Variants in IQSEC1 observed in about 807,000 individuals in gnomAD.
IQSEC1 encodes the protein IQ motif and Sec7 domain ArfGEF 1, also known as IQ motif and SEC7 domain-containing protein 1.
Under a neutral mutation model 91.0 loss-of-function variants are expected in IQSEC1, and 31 were observed. The observed-to-expected ratio is 0.34, with a 90% CI of 0.26 to 0.46. The LOEUF is 0.46. IQSEC1 is among the 20% of genes least tolerant of loss of function. The pLI is 1.00. For synonymous variants in IQSEC1, 699 were observed against 662.6 expected (o/e 1.05, Z -0.84); for missense variants, 1,388 against 1,575.6 (o/e 0.88, Z 2.02).
rs147164036 is a variant in IQSEC1, at chr3:13,147,925, G to A, written c.302+16179C>T. Among the ~76,000 whole-genome samples, 1,462 of 152,314 alleles carry A rather than the reference G, an allele frequency of 9.6e-3. 23 individuals are homozygous for A. The highest frequency in any genetic ancestry group is 0.034 in the African/African-American group (1,403 of 41,576). ...TGGGATTACAGGCGTGAGCCACCACGCCCAGCCGACAGGTGTCTTTTTGAT... is the reference window on the plus strand; with the variant it reads ...TGGGATTACAGGCGTGAGCCACCACACCCAGCCGACAGGTGTCTTTTTGAT... On this transcript the variant is annotated intron_variant, in intron 2 of 15. Transcript: ENST00000648114.
intron 2 of IQSEC1, among the ~76,000 whole-genome samples, chr3:12,938,568 C>T (rs909525180): frequency 2.6e-5 from 4 of 152,332 alleles, no homozygotes; most frequent in Middle Eastern, 3.4e-3. Context: ...CAAGAAATGA[C>T]CTCACTTCCA....
Position 12,913,511 on chromosome 3 carries a change from G to A in IQSEC1, c.2233C>T (p.Leu745Phe). The A allele has an allele frequency of 6.2e-7, 1 of 1,608,166 alleles. No homozygotes were observed. Residue 745 changes from leucine to phenylalanine, a missense_variant, in exon 9 of 14, where the codon CTC becomes TTC. By Grantham distance (22) the Leu-to-Phe change is conservative. This residue lies in a region of IQSEC1 where 1,059 missense variants were observed against 1,317.8 expected (regional missense o/e 0.80). Transcript: ENST00000613206. ...TTGTTTGGGTCTGGAACCTCAAAGA[G>A]CCGGCAGTAGCAGACCAACCGACGG... Reference protein sequence around the residue: ...PHRRLVCYCRLFEVPDPNKPQ... With the variant: ...PHRRLVCYCRFFEVPDPNKPQ...
intron 1 of IQSEC1, among the ~76,000 whole-genome samples, chr3:13,200,614 G>T (rs1017934116): frequency 2.0e-5 from 3 of 152,236 alleles, no homozygotes; most frequent in Admixed American, 6.5e-5. Flanking sequence ...ACTCCTGACG[G>T]ACAGGCAGCT....
intron 2 of IQSEC1, among the ~76,000 whole-genome samples, chr3:13,148,516 G>T (rs1165058843): frequency 1.3e-5 from 2 of 152,188 alleles, no homozygotes; most frequent in Non-Finnish European, 2.9e-5. Context: ...GAAGTGAAAG[G>T]CACTGGGAAA....
Position 13,200,120 on chromosome 3 carries a change from CCA to C in IQSEC1, c.273-35989_273-35988del, listed in dbSNP as rs1030320163. 4.7e-5 allele frequency among the ~76,000 whole-genome samples: 7 copies of C among 149,814 alleles called. No homozygotes were observed. In the South Asian group the frequency reaches 6.3e-4, roughly 14 times the overall value. ...GCGCGCGCACGCACACACACATACA[CCA>C]CAGACTACTCACATATGCCACATGC... On this transcript the variant is annotated intron_variant, in intron 1 of 15. Coordinates refer to the IQSEC1 transcript ENST00000648114.
rs1321795780 is a variant in IQSEC1, at chr3:12,940,740, T to TG, written c.318+830dup. On this transcript the variant is annotated intron_variant, in intron 2 of 13. Transcript: ENST00000613206. This position sits in a 1 kb window ranked among gnomAD's most constrained non-coding sequence, Gnocchi z 4.4. ...ACTGCTAAGCGGCTTGTCCATGCAC[T>TG]GGCCCACTCACCCCCTCACTCATCC... Among the ~76,000 whole-genome samples the TG allele has an allele frequency of 6.6e-6, 1 of 152,194 alleles. No individual in the cohort carries two copies. The highest frequency in any genetic ancestry group is 1.5e-5 in the Non-Finnish European group (1 of 68,012).
At chr3:13,039,292 T>A (rs1215707953) in intron 1 of IQSEC1, among the ~76,000 whole-genome samples, 1 of 152,204 alleles carries the variant, frequency 6.6e-6, no homozygotes, top group Admixed American at 6.5e-5. Flanking sequence ...CTCTGCTCCT[T>A]CCCCTGCCCG....
intron 1 of IQSEC1, among the ~76,000 whole-genome samples, chr3:12,978,219 C>T (rs1432484875): frequency 1.3e-5 from 2 of 152,230 alleles, no homozygotes; most frequent in African/African-American, 4.8e-5. Flanking sequence ...CTAAGACACA[C>T]AGCCCATGTG....
At chr3:13,031,265 T>C (rs1487527233) in intron 1 of IQSEC1, among the ~76,000 whole-genome samples, 1 of 152,192 alleles carries the variant, frequency 6.6e-6, no homozygotes, top group African/African-American at 2.4e-5. Context: ...CACATACTTC[T>C]CCTCTATCAG....
rs550606173 is a variant in IQSEC1 at position 13,111,287 on chromosome 3, G to A, written c.302+52817C>T. On this transcript the variant is annotated intron_variant, in intron 2 of 15. Coordinates refer to the IQSEC1 transcript ENST00000648114. ...GCTTCTCATTAGAGAGAGCTGTAAT[G>A]CCTAAGTGAGGTGAGGCTACTGCTC... is the stretch of plus-strand genomic sequence containing the variant. 7.9e-5 allele frequency among the ~76,000 whole-genome samples: 12 copies of A among 152,336 alleles called. No homozygotes were observed. In the East Asian group the frequency reaches 2.3e-3, roughly 29 times the overall value.
chr3:12,899,593 G>A lies in IQSEC1; in HGVS notation c.*1390C>T. The A allele has an allele frequency of 2.0e-6, 2 of 985,434 alleles. No homozygotes were observed. The highest frequency in any genetic ancestry group is 2.4e-6 in the Non-Finnish European group (2 of 829,930). The allele number at this position is 985,434 out of a possible 1,614,324, so 61.0% of individuals were successfully genotyped here. On this transcript the variant is annotated 3_prime_UTR_variant, in exon 14 of 14. Transcript: ENST00000613206. ...TCACTGGACCATGGGAAGGCAGCGG[G>A]GGCTCCGCCGGGCACTCGTCGGCTG...
chr3:13,192,295 A>G (rs1328538749), intron 1 of IQSEC1, among the ~76,000 whole-genome samples: 28 of 150,608 alleles, frequency 1.9e-4, no homozygotes, highest in Non-Finnish European at 3.2e-4. Context: ...TCGAGATCGC[A>G]CCACTGCACT....
At chr3:13,159,795 A>G (rs573002243) in intron 2 of IQSEC1, among the ~76,000 whole-genome samples, 9 of 152,280 alleles carry the variant, frequency 5.9e-5, no homozygotes, top group South Asian at 4.2e-4. Flanking sequence ...TGCTGGGGGA[A>G]AAAAGATAAT....
intron 1 of IQSEC1, among the ~76,000 whole-genome samples, chr3:13,020,743 C>G (rs1703360208): frequency 6.6e-6 from 1 of 152,192 alleles, no homozygotes; most frequent in Non-Finnish European, 1.5e-5. Flanking sequence ...GCATGATCAT[C>G]ACACACTACC....
At chr3:13,084,560 C>T (rs1261400052) in intron 2 of IQSEC1, among the ~76,000 whole-genome samples, 3 of 152,200 alleles carry the variant, frequency 2.0e-5, no homozygotes, top group African/African-American at 4.8e-5. Context: ...ATGACGGGTG[C>T]CATGATGGCC....
chr3:13,022,898 G>A (rs1703465792), intron 1 of IQSEC1, among the ~76,000 whole-genome samples: 1 of 152,232 alleles, frequency 6.6e-6, no homozygotes, highest in Non-Finnish European at 1.5e-5. Flanking sequence ...GTTTGATGCT[G>A]GGCGTGGTCA....
chr3:12,962,044 A>G (rs552258509), intron 1 of IQSEC1, among the ~76,000 whole-genome samples: 22 of 152,322 alleles, frequency 1.4e-4, no homozygotes, highest in African/African-American at 5.3e-4. Context: ...TTCTTCTCAC[A>G]GATGTGGAAA....
At chr3:13,071,344 T>G (rs1456303277) in intron 1 of IQSEC1, among the ~76,000 whole-genome samples, 1 of 152,098 alleles carries the variant, frequency 6.6e-6, no homozygotes, top group Non-Finnish European at 1.5e-5. Flanking sequence ...ATGACATTTC[T>G]GAGCATTGGA....
At chr3:13,235,330 C>G (rs1000243458) in intron 1 of IQSEC1, among the ~76,000 whole-genome samples, 1 of 152,174 alleles carries the variant, frequency 6.6e-6, no homozygotes, top group Non-Finnish European at 1.5e-5. Flanking sequence ...CACCCTTCCC[C>G]TGGCTGGTGG....
Sources: allele counts gnomAD v4.1 joint callset (sites outside exome capture counted in the v4.1 genomes callset), GRCh38; gene constraint gnomAD v4.1.1; regional missense constraint gnomAD v4.1.1; non-coding constraint Gnocchi (gnomAD v3.1); transcripts MANE v1.5; gene names NCBI Gene and HGNC (gene_info 2026-07-23, HGNC 2026-07-21).